The following NDST3 variants were observed in gnomAD, a reference collection of about 807,000 sequenced individuals.
The protein encoded by NDST3 is bifunctional heparan sulfate N-deacetylase/N-sulfotransferase 3.
In NDST3, 58 loss-of-function variants were observed where a neutral mutation model predicts 96.1. That is an observed-to-expected ratio of 0.60 (90% CI 0.49 to 0.75). The LOEUF (loss-of-function observed/expected upper bound fraction) is 0.75. Among genes scored for constraint, NDST3 ranks in the 30% least tolerant of loss-of-function variants. NDST3 has a pLI of 0.00. For synonymous variants in NDST3, 333 were observed against 359.7 expected (o/e 0.93, Z 0.84); for missense variants, 788 against 1,034.2 (o/e 0.76, Z 3.27).
chr4:118,212,385 C>T (rs945766102), intron 6 of NDST3, among the ~76,000 whole-genome samples: 1 of 151,972 alleles, frequency 6.6e-6, no homozygotes, highest in Admixed American at 6.6e-5. Context: ...CAAAAAAATA[C>T]AATAATTAGC....
intron 7 of NDST3, among the ~76,000 whole-genome samples, chr4:118,225,180 A>G (rs963292800): frequency 6.6e-6 from 1 of 152,150 alleles, no homozygotes. Context: ...ATATGGGGGA[A>G]AGCATTTCAT....
At chr4:118,096,663 A>G (rs1729332090) in intron 2 of NDST3, among the ~76,000 whole-genome samples, 1 of 64,386 alleles carries the variant, frequency 1.6e-5, no homozygotes, top group Non-Finnish European at 3.2e-5. Flanking sequence ...GCTAGAGTAG[A>G]TAGATAGATA....
chr4:118,185,411 C>T (rs1389408393), intron 6 of NDST3, among the ~76,000 whole-genome samples: 1 of 150,528 alleles, frequency 6.6e-6, no homozygotes, highest in South Asian at 2.1e-4. Context: ...AAATTAAAGC[C>T]AATAAGTATA....
chr4:118,048,892 A>T (rs780497721), intron 1 of NDST3, among the ~76,000 whole-genome samples: 10 of 152,174 alleles, frequency 6.6e-5, no homozygotes, highest in Non-Finnish European at 1.3e-4. Flanking sequence ...ATATCTACAG[A>T]ACTAGTCCAC....
Position 118,224,674 on chromosome 4 carries a change from G to A in NDST3, c.1722+1G>A. 6.4e-7 allele frequency: 1 copy of A among 1,571,670 alleles called. No individual in the cohort carries two copies. Among genetic ancestry groups the A allele is most frequent in the South Asian group, 1.2e-5 (1 of 82,346 alleles). ...TGATCAGAAAGACCCTCTCTGGCAG[G>A]TAAAATTAATTAAATAATTGATATA... On this transcript the variant is annotated splice_donor_variant, in intron 7 of 13. Coordinates refer to ENST00000296499, the MANE Select transcript of NDST3 (RefSeq NM_004784.3). LOFTEE classifies it high-confidence loss of function.
chr4:118,209,219 C>T (rs1738631591), intron 6 of NDST3, among the ~76,000 whole-genome samples: 1 of 152,076 alleles, frequency 6.6e-6, no homozygotes, highest in African/African-American at 2.4e-5. Context: ...TTAATATAAC[C>T]TTTGTGCTAT....
At chr4:118,071,283 C>T (rs1296901583) in intron 2 of NDST3, among the ~76,000 whole-genome samples, 1 of 152,026 alleles carries the variant, frequency 6.6e-6, no homozygotes, top group East Asian at 1.9e-4. Flanking sequence ...ATTTCAGCTT[C>T]AAGGGTACAT....
intron 6 of NDST3, chr4:118,193,850 G>T: frequency 8.0e-7 from 1 of 1,255,270 alleles, no homozygotes; most frequent in Non-Finnish European, 1.1e-6. Flanking sequence ...TGCCTTCTGT[G>T]TTTCCTCATT....
chr4:118,191,425 T>C (rs1434483247), intron 6 of NDST3, among the ~76,000 whole-genome samples: 3 of 152,178 alleles, frequency 2.0e-5, no homozygotes, highest in African/African-American at 7.2e-5. Flanking sequence ...TCCAGTTTGA[T>C]AGGTGGTGAT....
In NDST3 at chr4:118,224,786, T is replaced by A. The variant is rs906765463; in HGVS notation, c.1722+113T>A. 8.6e-6 allele frequency: 8 copies of A among 933,020 alleles called. No homozygotes were observed. In the Admixed American group the frequency reaches 9.5e-5, roughly 11 times the overall value. 57.8% of individuals were successfully genotyped at this position (933,020 alleles called of 1,614,324 possible). A position where few individuals can be genotyped will look rare whatever the true frequency, so the allele number is the denominator to read the frequency against. The stretch of plus-strand genomic sequence containing the variant: ...TGAAAAAACCTGCATTTTGGAAATG[T>A]TAGTAAATTTGAGAAACTACTCCTT... On this transcript the variant is annotated intron_variant, in intron 7 of 13. Transcript: ENST00000296499.
intron 6 of NDST3, among the ~76,000 whole-genome samples, chr4:118,156,181 C>A (rs1288344662): frequency 6.6e-6 from 1 of 152,056 alleles, no homozygotes; most frequent in Non-Finnish European, 1.5e-5. Context: ...CAGAATAATT[C>A]ATAGTACCTT....
At chr4:118,071,778 C>T (rs1258634699) in intron 2 of NDST3, among the ~76,000 whole-genome samples, 1 of 152,022 alleles carries the variant, frequency 6.6e-6, no homozygotes, top group Non-Finnish European at 1.5e-5. Context: ...GAGTATATAT[C>T]CAATAATACG....
Position 118,206,836 on chromosome 4 carries a change from G to A in NDST3, c.1540-17655G>A, listed in dbSNP as rs1015373880. ...GGCAATCTCTACCAACATTACAAAC[G>A]CACATACCATTTTCCTTAGCCATTC... On this transcript the variant is annotated intron_variant, in intron 6 of 13. Transcript: ENST00000296499. Among the ~76,000 whole-genome samples, 7 of 143,518 alleles carry A rather than the reference G, an allele frequency of 4.9e-5. 2 individuals are homozygous for A. Among genetic ancestry groups the A allele is most frequent in the Non-Finnish European group, 1.1e-4 (7 of 64,932 alleles). 94.2% of individuals were successfully genotyped at this position (143,518 alleles called of 152,430 possible).
intron 6 of NDST3, among the ~76,000 whole-genome samples, chr4:118,179,826 C>G (rs1736493376): frequency 6.6e-6 from 1 of 151,954 alleles, no homozygotes; most frequent in Admixed American, 6.6e-5. Context: ...GTGAATAAGT[C>G]TCAATTTAGT....
chr4:118,054,407 A>G lies in NDST3; in HGVS notation c.497A>G (p.Lys166Arg). 1 of 1,613,152 alleles carries G rather than the reference A, an allele frequency of 6.2e-7. No homozygotes were observed. Among genetic ancestry groups the G allele is most frequent in the Non-Finnish European group, 8.5e-7 (1 of 1,179,436 alleles). The change falls in exon 2 of 14, where the codon AAA (lysine) becomes AGA (arginine). Residue 166 changes from lysine (K) to arginine (R), a missense_variant. Coordinates refer to ENST00000296499, the MANE Select transcript of NDST3 (RefSeq NM_004784.3). ...EYGVGVIGFH[K>R]TSEKSVQSFQ... Reference sequence around the variant, plus strand: ...GGTGTGGGTGTCATTGGATTCCACAAAACTAGTGAGAAGAGTGTACAGAGC... The same window carrying G: ...GGTGTGGGTGTCATTGGATTCCACAGAACTAGTGAGAAGAGTGTACAGAGC...
At chr4:118,100,717 G>A (rs572467917) in intron 2 of NDST3, among the ~76,000 whole-genome samples, 1 of 152,218 alleles carries the variant, frequency 6.6e-6, no homozygotes, top group South Asian at 2.1e-4. Flanking sequence ...AGTGAGCTTT[G>A]AAATCCAAAA....
intron 5 of NDST3, among the ~76,000 whole-genome samples, chr4:118,141,685 A>G (rs995664238): frequency 2.0e-5 from 3 of 152,236 alleles, no homozygotes; most frequent in Admixed American, 6.5e-5. Flanking sequence ...GAAGTGATTC[A>G]GTCATAGTCA....
intron 2 of NDST3, among the ~76,000 whole-genome samples, chr4:118,070,225 A>C (rs1360649844): frequency 6.6e-6 from 1 of 152,104 alleles, no homozygotes; most frequent in Admixed American, 6.6e-5. Flanking sequence ...AACTCTGTGA[A>C]ATTCTTTAAA....
intron 2 of NDST3, among the ~76,000 whole-genome samples, chr4:118,061,012 C>G (rs2110466545): frequency 6.6e-6 from 1 of 152,260 alleles, no homozygotes; most frequent in East Asian, 1.9e-4. Context: ...AGCTTCTACA[C>G]CTTACCCCTT....
Sources: allele counts gnomAD v4.1 joint callset (sites outside exome capture counted in the v4.1 genomes callset), GRCh38; gene constraint gnomAD v4.1.1; transcripts MANE v1.5; gene names NCBI Gene and HGNC (gene_info 2026-07-23, HGNC 2026-07-21).